Variants in TTC39C observed in about 807,000 individuals in gnomAD.
The protein encoded by TTC39C is tetratricopeptide repeat protein 39C.
In TTC39C, 33 loss-of-function variants were observed where a neutral mutation model predicts 76.3. The ratio of observed to expected loss-of-function variants is 0.43; its 90% CI spans 0.33 to 0.58. The LOEUF is 0.58. Ranked by LOEUF, TTC39C falls within the 20% of genes least tolerant of loss-of-function variation. TTC39C has a pLI of 0.04. For synonymous variants in TTC39C, 254 were observed against 260.6 expected (o/e 0.97, Z 0.24); for missense variants, 595 against 701.4 (o/e 0.85, Z 1.71).
chr18:24,071,027 C>T (rs1420298659), intron 4 of TTC39C, among the ~76,000 whole-genome samples: 1 of 151,992 alleles, frequency 6.6e-6, no homozygotes, highest in Non-Finnish European at 1.5e-5. Flanking sequence ...CTCCCAGGTT[C>T]AAGTGATTCT....
At chr18:24,009,569 A>G (rs1343703888) in intron 1 of TTC39C, among the ~76,000 whole-genome samples, 1 of 152,220 alleles carries the variant, frequency 6.6e-6, no homozygotes, top group African/African-American at 2.4e-5. Context: ...AGATGGGTTA[A>G]AGGGAAGGGA....
At chr18:24,078,663 C>T (rs1458338476) in intron 4 of TTC39C, among the ~76,000 whole-genome samples, 1 of 152,170 alleles carries the variant, frequency 6.6e-6, no homozygotes, top group Non-Finnish European at 1.5e-5. Context: ...TACGACAGCA[C>T]AAATGAAATG....
chr18:24,014,611 C>T, upstream of TTC39C: 1 of 339,842 alleles, frequency 2.9e-6, no homozygotes, highest in Non-Finnish European at 4.8e-6. Context: ...CTTCGGAGGG[C>T]GCGAGAGGAG....
At chr18:24,014,155 G>A (rs553822068), upstream of TTC39C, among the ~76,000 whole-genome samples, 1 of 152,230 alleles carries the variant, frequency 6.6e-6, no homozygotes, top group Non-Finnish European at 1.5e-5. Context: ...CTCGGGAATT[G>A]GCTGCCCTGG....
chr18:23,999,606 C>A (rs1388771274), intron 1 of TTC39C, among the ~76,000 whole-genome samples: 2 of 97,630 alleles, frequency 2.0e-5, no homozygotes, highest in Admixed American at 9.3e-5. Context: ...ACAGCCGGTG[C>A]CCTGTGCTAG....
intron 6 of TTC39C, among the ~76,000 whole-genome samples, chr18:24,101,359 G>A (rs1175890237): frequency 6.7e-6 from 1 of 148,352 alleles, no homozygotes; most frequent in East Asian, 2.0e-4. Context: ...TGTAATCCCA[G>A]CACTTTGGGA....
At chr18:24,114,395 CA>C in intron 6 of TTC39C, 158 bp from the exon 7 acceptor site, 1 of 567,366 alleles carries the variant, frequency 1.8e-6, no homozygotes, top group Non-Finnish European at 3.1e-6. Context: ...TGTTTGGGGG[CA>C]AATTGGAGTA....
At chr18:24,063,041 C>A (rs186630301) in intron 1 of TTC39C, among the ~76,000 whole-genome samples, 5 of 152,236 alleles carry the variant, frequency 3.3e-5, no homozygotes, top group Non-Finnish European at 7.4e-5. Flanking sequence ...TGTTTCATCC[C>A]TTTTTATAGT....
chr18:24,126,402 G>A (rs2145827445), intron 10 of TTC39C, among the ~76,000 whole-genome samples: 2 of 133,394 alleles, frequency 1.5e-5, no homozygotes, highest in South Asian at 4.7e-4. Context: ...CAGATTTCCT[G>A]CAAATCCCTT....
chr18:24,078,419 G>A (rs10502443), intron 4 of TTC39C, among the ~76,000 whole-genome samples: 17,512 of 152,164 alleles, frequency 0.12, 1,240 homozygotes, highest in East Asian at 0.24. Context: ...GCTAAATTAC[G>A]TTGCAGTCTT....
At chr18:24,011,125 G>C (rs576273227), upstream of TTC39C, among the ~76,000 whole-genome samples, 1 of 152,168 alleles carries the variant, frequency 6.6e-6, no homozygotes, top group Admixed American at 6.5e-5. Context: ...GTTGATTGTC[G>C]CTCTCACATC....
intron 6 of TTC39C, among the ~76,000 whole-genome samples, chr18:24,102,291 A>G (rs989734073): frequency 6.6e-6 from 1 of 152,222 alleles, no homozygotes; most frequent in Admixed American, 6.5e-5. Flanking sequence ...TTAGTGGTGG[A>G]TTCAGTTGCA....
intron 4 of TTC39C, among the ~76,000 whole-genome samples, chr18:24,074,234 G>A (rs568576871): frequency 6.6e-6 from 1 of 152,334 alleles, no homozygotes; most frequent in Admixed American, 6.5e-5. Flanking sequence ...TATCCCTGAG[G>A]AGGTTTATAA....
intron 8 of TTC39C, among the ~76,000 whole-genome samples, chr18:24,119,028 T>C (rs892199125): frequency 6.6e-6 from 1 of 152,188 alleles, no homozygotes; most frequent in Non-Finnish European, 1.5e-5. Context: ...GCTCCAACCT[T>C]GTTTTACCTC....
intron 4 of TTC39C, among the ~76,000 whole-genome samples, chr18:24,070,660 A>C (rs1272088492): frequency 6.6e-6 from 1 of 152,186 alleles, no homozygotes; most frequent in East Asian, 1.9e-4. Context: ...CCTGGCCAAC[A>C]TGGTGAAACC....
intron 1 of TTC39C, among the ~76,000 whole-genome samples, chr18:24,023,974 A>G (rs1172558476): frequency 6.8e-5 from 1 of 14,762 alleles, no homozygotes; most frequent in African/African-American, 1.6e-4. Flanking sequence ...ATATATATAT[A>G]TATATACATA....
At chr18:24,015,598 C>T (rs1274306506) in intron 1 of TTC39C, among the ~76,000 whole-genome samples, 2 of 152,200 alleles carry the variant, frequency 1.3e-5, no homozygotes, top group African/African-American at 4.8e-5. Flanking sequence ...AATTTCAGCT[C>T]AACTCTGCCC....
rs1185686249 is a variant in TTC39C at position 24,065,993 on chromosome 18, ATTCT to A, written c.217-9_217-6del. On this transcript the variant is annotated splice_polypyrimidine_tract_variant and intron_variant, in intron 2 of 13. Coordinates refer to ENST00000317571, the MANE Select transcript of TTC39C (RefSeq NM_001135993.2). The stretch of plus-strand genomic sequence containing the variant: ...CAGATACTAATTCATTCATTCATTC[ATTCT>A]TTCTTTCTTGGAAGAATGCCATGAT... The A allele has an allele frequency of 1.0e-5, 16 of 1,540,300 alleles. No individual in the cohort carries two copies. Among genetic ancestry groups the A allele is most frequent in the Non-Finnish European group, 1.3e-5 (15 of 1,148,330 alleles).
At chr18:24,001,250 C>T (rs917891284) in intron 1 of TTC39C, among the ~76,000 whole-genome samples, 2 of 152,290 alleles carry the variant, frequency 1.3e-5, no homozygotes, top group Middle Eastern at 3.4e-3. Context: ...TCTGGAAAAG[C>T]AGGGTTCTTA....
Sources: allele counts gnomAD v4.1 joint callset (sites outside exome capture counted in the v4.1 genomes callset), GRCh38; gene constraint gnomAD v4.1.1; transcripts MANE v1.5; gene names NCBI Gene and HGNC (gene_info 2026-07-23, HGNC 2026-07-21).